Variants in BBS9 observed in about 807,000 individuals in gnomAD.
BBS9 encodes Bardet-Biedl syndrome 9.
A neutral mutation model predicts 117.7 loss-of-function variants in BBS9; 89 were observed. The ratio of observed to expected loss-of-function variants is 0.76; its 90% confidence interval spans 0.64 to 0.90. The LOEUF is 0.90. Ranked by LOEUF, BBS9 falls within the 40% of genes least tolerant of loss-of-function variation. The probability of loss-of-function intolerance (pLI) is 0.00; values close to 1 mark genes in which losing one functional copy is unlikely to be tolerated. For missense variants in BBS9, 982 were observed against 1,042.2 expected (o/e 0.94, Z 0.80); for synonymous variants, 379 against 370.9 (o/e 1.02, Z -0.25).
chr7:33,310,779 G>A, intron 9 of BBS9, among the ~76,000 whole-genome samples: 1 of 152,184 alleles, frequency 6.6e-6, no homozygotes, highest in African/African-American at 2.4e-5. Flanking sequence ...ACATGAGACA[G>A]TCCCCACAAG....
intron 19 of BBS9, among the ~76,000 whole-genome samples, chr7:33,410,402 A>C (rs1830898835): frequency 6.6e-6 from 1 of 151,800 alleles, no homozygotes; most frequent in Non-Finnish European, 1.5e-5. Flanking sequence ...CTCCCTACTC[A>C]TTTGCCTAAA....
intron 19 of BBS9, among the ~76,000 whole-genome samples, chr7:33,499,356 C>CT (rs1845147666): frequency 6.6e-6 from 1 of 152,186 alleles, no homozygotes; most frequent in Non-Finnish European, 1.5e-5. Context: ...AAAGTCAGGA[C>CT]TAGAAGCTCT....
intron 9 of BBS9, among the ~76,000 whole-genome samples, chr7:33,274,184 A>AT (rs1472166796): frequency 2.0e-5 from 3 of 152,228 alleles, no homozygotes; most frequent in Non-Finnish European, 4.4e-5. Context: ...TCCTTAGTAA[A>AT]TTAAAGGTAA....
chr7:33,350,655 C>G (rs1169745861), intron 13 of BBS9, among the ~76,000 whole-genome samples: 1 of 152,196 alleles, frequency 6.6e-6, no homozygotes, highest in Non-Finnish European at 1.5e-5. Flanking sequence ...AAGTAAAGAA[C>G]AGCAGTGGTG....
At chr7:33,301,727 G>A (rs988145092) in intron 9 of BBS9, among the ~76,000 whole-genome samples, 2 of 152,134 alleles carry the variant, frequency 1.3e-5, no homozygotes, top group Non-Finnish European at 2.9e-5. Context: ...GAATAGTGCT[G>A]CAGTAAACAT....
intron 19 of BBS9, among the ~76,000 whole-genome samples, chr7:33,471,943 A>G (rs1584946147): frequency 6.6e-6 from 1 of 152,242 alleles, no homozygotes; most frequent in African/African-American, 2.4e-5. Flanking sequence ...TCTTCAGGCC[A>G]GATTGCCTCT....
At chr7:33,465,301 G>A (rs1840009622) in intron 19 of BBS9, among the ~76,000 whole-genome samples, 1 of 150,042 alleles carries the variant, frequency 6.7e-6, no homozygotes, top group African/African-American at 2.5e-5. Flanking sequence ...GCTTTCATGA[G>A]GCATATTTAT....
intron 20 of BBS9, among the ~76,000 whole-genome samples, chr7:33,515,422 G>A (rs7457833): frequency 0.82 from 124,801 of 152,158 alleles, 52,326 homozygotes; most frequent in Middle Eastern, 0.97. Flanking sequence ...TTGTTGATGC[G>A]GCATTTCTTG....
chr7:33,578,099 A>G (rs555409749), intron 21 of BBS9, among the ~76,000 whole-genome samples: 5 of 152,316 alleles, frequency 3.3e-5, no homozygotes, highest in South Asian at 2.1e-4. Context: ...GGATTCAGAC[A>G]TATCTTTGCC....
At chr7:33,369,664 A>G (rs998272242) in intron 17 of BBS9, among the ~76,000 whole-genome samples, 8 of 152,206 alleles carry the variant, frequency 5.3e-5, no homozygotes, top group Non-Finnish European at 1.0e-4. Flanking sequence ...GGAGATGCCT[A>G]TGGTGATGGA....
At chr7:33,629,004 C>G (rs1165663627) in intron 21 of BBS9, among the ~76,000 whole-genome samples, 1 of 152,098 alleles carries the variant, frequency 6.6e-6, no homozygotes, top group Non-Finnish European at 1.5e-5. Context: ...ATGAGGGGCT[C>G]CCTAGTTAAC....
At chr7:33,428,304 G>A (rs933504363) in intron 19 of BBS9, among the ~76,000 whole-genome samples, 5 of 152,122 alleles carry the variant, frequency 3.3e-5, no homozygotes, top group Admixed American at 6.6e-5. Flanking sequence ...CTCCCATTGA[G>A]TCAATATGCC....
At chr7:33,551,660 A>G (rs1019003651) in intron 21 of BBS9, among the ~76,000 whole-genome samples, 1 of 152,154 alleles carries the variant, frequency 6.6e-6, no homozygotes, top group African/African-American at 2.4e-5. Flanking sequence ...GACTAATCCA[A>G]GCCCTGCCCT....
At chr7:33,297,417 A>G (rs1805494406) in intron 9 of BBS9, among the ~76,000 whole-genome samples, 1 of 152,174 alleles carries the variant, frequency 6.6e-6, no homozygotes, top group African/African-American at 2.4e-5. Flanking sequence ...CATTTCTCTA[A>G]GAAATTGTAA....
chr7:33,141,532 T>C (rs866128842), intron 1 of BBS9, among the ~76,000 whole-genome samples: 23 of 152,182 alleles, frequency 1.5e-4, no homozygotes, highest in African/African-American at 5.6e-4. Flanking sequence ...TATGCCCATC[T>C]AATTTTTTTA....
At chr7:33,286,964 T>A (rs1584105381) in intron 9 of BBS9, among the ~76,000 whole-genome samples, 2 of 152,290 alleles carry the variant, frequency 1.3e-5, no homozygotes, top group East Asian at 3.9e-4. Flanking sequence ...TTTGATAACA[T>A]AAGATTTATG....
intron 11 of BBS9, among the ~76,000 whole-genome samples, chr7:33,343,584 C>T (rs1185170514): frequency 3.3e-5 from 5 of 152,166 alleles, no homozygotes; most frequent in East Asian, 3.9e-4. Flanking sequence ...CTGCAACCTC[C>T]GCCTCCCGGG....
chr7:33,234,428 T>G (rs765977172), intron 5 of BBS9, among the ~76,000 whole-genome samples: 1 of 152,138 alleles, frequency 6.6e-6, no homozygotes, highest in African/African-American at 2.4e-5. Flanking sequence ...TTCACCACAA[T>G]CAAGCAATTA....
chr7:33,519,096 A>G (rs1848234002), intron 20 of BBS9, among the ~76,000 whole-genome samples: 1 of 152,192 alleles, frequency 6.6e-6, no homozygotes, highest in Non-Finnish European at 1.5e-5. Context: ...AGAGAAAAAA[A>G]GAAAGAAAAG....
Sources: gnomAD v4.1 joint callset for allele counts (sites outside exome capture counted in the v4.1 genomes callset) on GRCh38, gnomAD v4.1.1 for gene constraint, MANE v1.5 for transcripts, NCBI Gene and HGNC (gene_info 2026-07-23, HGNC 2026-07-21) for gene names.